The following ADGRE1 variants were observed in gnomAD, a reference collection of about 807,000 sequenced individuals.
The protein encoded by ADGRE1 is EGF-like module receptor 1.
ADGRE1 carries 82 observed loss-of-function variants against 102.7 expected under a neutral mutation model. The observed-to-expected ratio is 0.80, with a 90% CI of 0.67 to 0.96. The LOEUF is 0.96. Among genes scored for constraint, ADGRE1 ranks in the 40% least tolerant of loss-of-function variants. The pLI is 0.00. For synonymous variants in ADGRE1, 398 were observed against 399.6 expected (o/e 1.00, Z 0.05); for missense variants, 1,032 against 1,085.3 (o/e 0.95, Z 0.69).
intron 5 of ADGRE1, among the ~76,000 whole-genome samples, chr19:6,901,660 A>G (rs750950000): frequency 1.3e-5 from 2 of 152,106 alleles, no homozygotes; most frequent in Non-Finnish European, 2.9e-5. Context: ...CTTACATGCT[A>G]TTGGCTAGAA....
At chr19:6,923,078 A>AGAAG (rs1555716482) in intron 14 of ADGRE1, among the ~76,000 whole-genome samples, 1 of 151,860 alleles carries the variant, frequency 6.6e-6, no homozygotes, top group Admixed American at 6.6e-5. Flanking sequence ...CTCCGTCTCA[A>AGAAG]AAAGAAAGAA....
At chr19:6,899,083 A>G (rs1009901826) in intron 5 of ADGRE1, among the ~76,000 whole-genome samples, 9 of 152,164 alleles carry the variant, frequency 5.9e-5, no homozygotes, top group African/African-American at 2.2e-4. Flanking sequence ...TGTGAACTAT[A>G]TGCAAATATT....
At chr19:6,894,705 A>C (rs987414681) in intron 2 of ADGRE1, among the ~76,000 whole-genome samples, 3 of 152,192 alleles carry the variant, frequency 2.0e-5, no homozygotes, top group South Asian at 2.1e-4. Flanking sequence ...TGGGAGATCA[A>C]ATGTGCATTC....
At chr19:6,908,641 A>T in intron 9 of ADGRE1, 48 bp from the exon 10 acceptor site, 1 of 1,492,228 alleles carries the variant, frequency 6.7e-7, no homozygotes, top group Non-Finnish European at 9.0e-7. Flanking sequence ...GGGGGAATAC[A>T]TCGATTCATG....
intron 20 of ADGRE1, among the ~76,000 whole-genome samples, chr19:6,937,958 A>T (rs1235719467): frequency 1.3e-5 from 2 of 151,520 alleles, no homozygotes; most frequent in Non-Finnish European, 2.9e-5. Context: ...TTTATATGTT[A>T]TGTTTATAAA....
chr19:6,901,046 A>G (rs1385332510), intron 5 of ADGRE1, among the ~76,000 whole-genome samples: 6 of 152,198 alleles, frequency 3.9e-5, no homozygotes, highest in Admixed American at 3.9e-4. Flanking sequence ...CATGGTTGGG[A>G]ATGGATCACC....
At chr19:6,921,621 G>C in intron 13 of ADGRE1, 92 bp from the exon 14 acceptor site, 1 of 1,381,608 alleles carries the variant, frequency 7.2e-7, no homozygotes. Flanking sequence ...GTGTATTCTT[G>C]TTCCCAGTGA....
chr19:6,939,919 T>C (rs1975602314), intron 20 of ADGRE1, 105 bp from the exon 21 acceptor site: 1 of 1,259,898 alleles, frequency 7.9e-7, no homozygotes, highest in Non-Finnish European at 1.2e-6. Context: ...TTCTAGTCTT[T>C]GTTACTGTAT....
rs1445463741 is a variant in ADGRE1, at chr19:6,926,506, G to C, written c.2127G>C (p.Lys709Asn). Residue 709 changes from lysine to asparagine, a missense_variant, in exon 16 of 21, where the codon AAG becomes AAC. Coordinates refer to ENST00000312053, the MANE Select transcript of ADGRE1 (RefSeq NM_001974.5). ...ATTACTTCAGCTCTCGCAACATCAA[G>C]ATGCTGCACATCTGTGCCTTTGGTT... ...VVNYFSSRNI[K>N]MLHICAFGYG... is the part of the protein sequence containing the mutation. 2 of 1,614,088 alleles carry C rather than the reference G, an allele frequency of 1.2e-6. No homozygotes were observed. Among genetic ancestry groups the C allele is most frequent in the African/African-American group, 1.3e-5 (1 of 74,918 alleles).
At chr19:6,939,143 A>G (rs61086788) in intron 20 of ADGRE1, among the ~76,000 whole-genome samples, 1,827 of 152,270 alleles carry the variant, frequency 0.012, 41 homozygotes, top group African/African-American at 0.041. Context: ...GGTTAAGTCC[A>G]GTGATTTCAG....
At chr19:6,921,377 G>A in intron 13 of ADGRE1, among the ~76,000 whole-genome samples, 1 of 152,110 alleles carries the variant, frequency 6.6e-6, no homozygotes, top group East Asian at 1.9e-4. Flanking sequence ...AGCCGAGACT[G>A]CACCACTGCA....
intron 10 of ADGRE1, among the ~76,000 whole-genome samples, chr19:6,913,145 G>T (rs1365536841): frequency 1.3e-5 from 2 of 151,884 alleles, no homozygotes; most frequent in African/African-American, 4.8e-5. Flanking sequence ...TGTTGTCCAG[G>T]CTGGTCTTGA....
At position 6,889,152 on chromosome 19, in the gene ADGRE1, G is replaced by T. The variant is rs145305907; in HGVS notation, c.32-1329G>T. Among the ~76,000 whole-genome samples the T allele has an allele frequency of 9.3e-5, 14 of 150,040 alleles. No homozygotes were observed. The East Asian group carries it at 2.7e-3, about 29-fold the overall frequency. ...GATGATAGGGATAATGATGATGATG[G>T]TGGTGATGATGGTGTGATAATGACG... On this transcript the variant is annotated intron_variant, in intron 1 of 20. Transcript: ENST00000312053.
chr19:6,937,272 T>C lies in ADGRE1; in HGVS notation c.2411T>C (p.Leu804Pro). 2 of 1,614,088 alleles carry C rather than the reference T, an allele frequency of 1.2e-6. No homozygotes were observed. Among genetic ancestry groups the C allele is most frequent in the Non-Finnish European group, 1.7e-6 (2 of 1,179,992 alleles). Residue 804 changes from leucine to proline, a missense_variant, in exon 19 of 21, where the codon CTC becomes CCC. By Grantham distance (98) the Leu-to-Pro change is moderately conservative (BLOSUM62 -3). Transcript: ENST00000312053. ...RLLTFKAFAQ[L>P]FILGCSWVLG... ...CTGACCTTCAAGGCCTTTGCCCAGC[T>C]CTTCATCCTGGGCTGCTCCTGGGTG...
In ADGRE1 at chr19:6,901,901, G is replaced by A; in HGVS notation, c.541G>A (p.Ala181Thr). Residue 181 changes from alanine (A) to threonine (T), a missense_variant, in exon 6 of 21, where the codon GCT becomes ACT. By Grantham distance (58) the Ala-to-Thr change is moderately conservative (BLOSUM62 0). Coordinates refer to ENST00000312053, the MANE Select transcript of ADGRE1 (RefSeq NM_001974.5). Reference sequence around the variant, plus strand: ...CGTGGATGAATGTGCAGATCCAAGAGCTTGCCCAGAGCATGCAACTTGTAA... The same window carrying A: ...CGTGGATGAATGTGCAGATCCAAGAACTTGCCCAGAGCATGCAACTTGTAA... ...EDVDECADPR[A>T]CPEHATCNNT... 6.2e-7 allele frequency: 1 copy of A among 1,614,180 alleles called. No homozygotes were observed. The highest frequency in any genetic ancestry group is 2.2e-5 in the East Asian group (1 of 44,884).
chr19:6,888,813 A>G (rs1026429874), intron 1 of ADGRE1, among the ~76,000 whole-genome samples: 1 of 152,214 alleles, frequency 6.6e-6, no homozygotes, highest in Non-Finnish European at 1.5e-5. Flanking sequence ...GCTACATTAG[A>G]AGAAATAGGT....
At chr19:6,911,793 A>T (rs372987713) in intron 10 of ADGRE1, among the ~76,000 whole-genome samples, 3 of 151,268 alleles carry the variant, frequency 2.0e-5, no homozygotes, top group Non-Finnish European at 4.4e-5. Flanking sequence ...ATACACATAT[A>T]ACATACATAC....
intron 20 of ADGRE1, 44 bp downstream of exon 20, chr19:6,937,692 G>A (rs1354160887): frequency 1.3e-6 from 2 of 1,587,590 alleles, no homozygotes; most frequent in South Asian, 1.1e-5. Flanking sequence ...CGAGGGAGGT[G>A]CCGGCCTCTT....
chr19:6,890,289 C>T (rs556176361), intron 1 of ADGRE1, among the ~76,000 whole-genome samples, 192 bp from the exon 2 acceptor site: 4 of 152,194 alleles, frequency 2.6e-5, no homozygotes, highest in African/African-American at 9.6e-5. Context: ...GTACAGAAAA[C>T]CAGGAATGGT....
Sources: allele counts gnomAD v4.1 joint callset (sites outside exome capture counted in the v4.1 genomes callset), GRCh38; gene constraint gnomAD v4.1.1; transcripts MANE v1.5; gene names NCBI Gene and HGNC (gene_info 2026-07-23, HGNC 2026-07-21).